RAB11FIP5: variants seen among roughly 807,000 people sequenced by gnomAD.
The protein encoded by RAB11FIP5 is rab11 family-interacting protein 5.
A neutral mutation model predicts 85.1 loss-of-function variants in RAB11FIP5; 48 were observed. The ratio of observed to expected loss-of-function variants is 0.56; its 90% CI spans 0.45 to 0.72. The LOEUF (loss-of-function observed/expected upper bound fraction) is 0.72. Among genes scored for constraint, RAB11FIP5 ranks in the 30% least tolerant of loss-of-function variants. The probability of loss-of-function intolerance (pLI) is 0.00; values close to 1 mark genes in which losing one functional copy is unlikely to be tolerated. For synonymous variants in RAB11FIP5, 729 were observed against 727.3 expected, an observed-to-expected ratio of 1.00 and a Z score of -0.04; for missense variants, 1,491 against 1,687.0, an observed-to-expected ratio of 0.88 and a Z score of 2.04.
At chr2:73,087,180 C>T (rs910198089) in intron 3 of RAB11FIP5, among the ~76,000 whole-genome samples, 1 of 152,168 alleles carries the variant, frequency 6.6e-6, no homozygotes, top group Non-Finnish European at 1.5e-5. Flanking sequence ...CAGATGCTGC[C>T]TATGAGGGCT....
rs1351924703 is a variant in RAB11FIP5 at position 73,089,281 on chromosome 2, CCTT to C, written c.463_465del (p.Lys155del). The C allele has an allele frequency of 1.2e-6, 2 of 1,614,092 alleles. No individual in the cohort carries two copies. Among genetic ancestry groups the C allele is most frequent in the South Asian group, 1.1e-5 (1 of 91,084 alleles). On this transcript the variant is annotated inframe_deletion, in exon 2 of 6. Coordinates refer to ENST00000486777, the MANE Select transcript of RAB11FIP5 (RefSeq NM_001371272.1). The surrounding 1 kb of genome is among the most constrained non-coding windows in gnomAD (Gnocchi z 4.6). ...ACTTCAATCTCGCCGCGTTCCTTCT[CCTT>C]CTTGCCTGGCTTGGAGTGCAGCTTG... is the stretch of plus-strand genomic sequence containing the variant.
At chr2:73,106,117 G>T (rs1453665605) in intron 1 of RAB11FIP5, among the ~76,000 whole-genome samples, 2 of 152,178 alleles carry the variant, frequency 1.3e-5, no homozygotes, top group Admixed American at 1.3e-4. Flanking sequence ...GGTTTCCTCA[G>T]CTGTTAAACA....
At chr2:73,103,198 G>A (rs1423734905) in intron 1 of RAB11FIP5, among the ~76,000 whole-genome samples, 1 of 152,110 alleles carries the variant, frequency 6.6e-6, no homozygotes, top group African/African-American at 2.4e-5. Flanking sequence ...CTCTTATCAG[G>A]CCAGAAGATG....
intron 1 of RAB11FIP5, among the ~76,000 whole-genome samples, chr2:73,097,523 A>G (rs1211313550): frequency 6.6e-6 from 1 of 152,254 alleles, no homozygotes; most frequent in African/African-American, 2.4e-5. Flanking sequence ...AACACTTAAC[A>G]GTGGACACTC....
intron 3 of RAB11FIP5, among the ~76,000 whole-genome samples, chr2:73,087,590 A>C (rs1684114250): frequency 6.6e-6 from 1 of 152,178 alleles, no homozygotes; most frequent in Admixed American, 6.5e-5. Context: ...GGAAGTGATC[A>C]CAGAGACAGC....
In RAB11FIP5 at chr2:73,075,450, A is replaced by T. The variant is rs1268963834; in HGVS notation, c.*71T>A. ...CAGACGATGCCCCACTGCAGATGAG[A>T]GAGTTCAGGAGGAGAGAGGGCAGGC... On this transcript the variant is annotated 3_prime_UTR_variant, in exon 6 of 6. Coordinates refer to ENST00000486777, the MANE Select transcript of RAB11FIP5 (RefSeq NM_001371272.1). This position sits in a 1 kb window ranked among gnomAD's most constrained non-coding sequence, Gnocchi z 4.6. 7.0e-7 allele frequency: 1 copy of T among 1,434,196 alleles called. No individual in the cohort carries two copies. Among genetic ancestry groups the T allele is most frequent in the Non-Finnish European group, 9.8e-7 (1 of 1,015,844 alleles). The allele number at this position is 1,434,196 out of a possible 1,614,324, so 88.8% of individuals were successfully genotyped here.
In RAB11FIP5 at chr2:73,089,377, G is replaced by C; in HGVS notation, c.432-62C>G. On this transcript the variant is annotated intron_variant, in intron 1 of 5. Transcript: ENST00000486777. This position sits in a 1 kb window ranked among gnomAD's most constrained non-coding sequence, Gnocchi z 4.6. ...GGCCCAGGGAGCCTGGCTCCCGCCCGGTACCAGGCACTGCCCAGACCCCTC... is the reference window on the plus strand; with the variant it reads ...GGCCCAGGGAGCCTGGCTCCCGCCCCGTACCAGGCACTGCCCAGACCCCTC... The C allele has an allele frequency of 6.5e-7, 1 of 1,549,092 alleles. No individual in the cohort carries two copies. Among genetic ancestry groups the C allele is most frequent in the South Asian group, 1.1e-5 (1 of 90,016 alleles).
At chr2:73,108,830 G>A (rs1363359268) in intron 1 of RAB11FIP5, among the ~76,000 whole-genome samples, 1 of 152,136 alleles carries the variant, frequency 6.6e-6, no homozygotes, top group Non-Finnish European at 1.5e-5. Context: ...GATCACCTGA[G>A]GTCAGGAGTT....
chr2:73,112,915 A>C lies in RAB11FIP5; in HGVS notation c.-138T>G, dbSNP rs2106129677. Reference sequence around the variant, plus strand: ...CTGCGGGCTGGGCTGGGCCGGGCCGACCGGCCGCCGCCTCCCCGCCTCACC... The same window carrying C: ...CTGCGGGCTGGGCTGGGCCGGGCCGCCCGGCCGCCGCCTCCCCGCCTCACC... On this transcript the variant is annotated 5_prime_UTR_variant, in exon 1 of 6. Transcript: ENST00000486777. The C allele has an allele frequency of 1.3e-6, 1 of 763,030 alleles. No individual in the cohort carries two copies. The highest frequency in any genetic ancestry group is 1.7e-6 in the Non-Finnish European group (1 of 573,646). 47.3% of individuals were successfully genotyped at this position (763,030 alleles called of 1,614,324 possible).
chr2:73,094,835 G>C lies in RAB11FIP5; in HGVS notation c.432-5520C>G, dbSNP rs902498361. ...GAAATACTCATCCCTCCCCCAGGAGGGGGTAAGTTACCAAAGGAACACACT... is the reference window on the plus strand; with the variant it reads ...GAAATACTCATCCCTCCCCCAGGAGCGGGTAAGTTACCAAAGGAACACACT... On this transcript the variant is annotated intron_variant, in intron 1 of 5. Coordinates refer to ENST00000486777, the MANE Select transcript of RAB11FIP5 (RefSeq NM_001371272.1). 5.3e-5 allele frequency among the ~76,000 whole-genome samples: 8 copies of C among 152,054 alleles called. No individual in the cohort carries two copies. The South Asian group carries it at 6.2e-4, about 12-fold the overall frequency.
At chr2:73,093,610 A>G (rs1013334424) in intron 1 of RAB11FIP5, among the ~76,000 whole-genome samples, 1 of 152,166 alleles carries the variant, frequency 6.6e-6, no homozygotes, top group Non-Finnish European at 1.5e-5. Context: ...CCCACTGACC[A>G]GGTCACCTCC....
At chr2:73,104,811 T>C (rs546325186) in intron 1 of RAB11FIP5, among the ~76,000 whole-genome samples, 1 of 152,312 alleles carries the variant, frequency 6.6e-6, no homozygotes, top group South Asian at 2.1e-4. Context: ...GAGCTCCCTC[T>C]TCTCCTGACC....
At chr2:73,083,349 G>A (rs1269532001) in intron 3 of RAB11FIP5, among the ~76,000 whole-genome samples, 1 of 152,184 alleles carries the variant, frequency 6.6e-6, no homozygotes, top group African/African-American at 2.4e-5. Context: ...CAGAGGCACA[G>A]GTAGCTCCAA....
Position 73,075,874 on chromosome 2 carries a change from G to T in RAB11FIP5, c.3771+119C>A. The T allele has an allele frequency of 2.1e-6, 3 of 1,447,624 alleles. No individual in the cohort carries two copies. The highest frequency in any genetic ancestry group is 2.8e-6 in the Non-Finnish European group (3 of 1,061,364). 89.7% of individuals were successfully genotyped at this position (1,447,624 alleles called of 1,614,324 possible). ...TGTCTCCAAAGTCAGAGCCTAACTG[G>T]CTTCAGGACTCTGATATGGGGGACC... On this transcript the variant is annotated intron_variant, in intron 5 of 5. Coordinates refer to ENST00000486777, the MANE Select transcript of RAB11FIP5 (RefSeq NM_001371272.1). This position sits in a 1 kb window ranked among gnomAD's most constrained non-coding sequence, Gnocchi z 4.6.
rs1324891759 is a variant in RAB11FIP5, at chr2:73,081,056, G to A, written c.2176C>T (p.Leu726=). 8.1e-7 allele frequency: 1 copy of A among 1,232,860 alleles called. No homozygotes were observed. Among genetic ancestry groups the A allele is most frequent in the African/African-American group, 1.6e-5 (1 of 64,358 alleles). 76.4% of individuals were successfully genotyped at this position (1,232,860 alleles called of 1,614,324 possible). The change falls in exon 4 of 6, where the codon CTG becomes TTG. Residue 726 remains leucine (L), a synonymous_variant. Transcript: ENST00000486777. This position sits in a 1 kb window ranked among gnomAD's most constrained non-coding sequence, Gnocchi z 4.2. ...SSVWLEPRVP[L]DLGPNHQSAS... ...CTCTGGTGGTTCGGTCCCAAGTCCA[G>A]AGGAACCCTGGGCTCCAGCCACACG...
At chr2:73,110,776 T>C (rs563807511) in intron 1 of RAB11FIP5, among the ~76,000 whole-genome samples, 28 of 152,078 alleles carry the variant, frequency 1.8e-4, no homozygotes, top group African/African-American at 6.8e-4. Context: ...TGGAGCCTTT[T>C]TTTGGTCTGC....
At chr2:73,100,425 G>GTTTTTTTTT (rs573555727) in intron 1 of RAB11FIP5, among the ~76,000 whole-genome samples, 1 of 131,114 alleles carries the variant, frequency 7.6e-6, no homozygotes, top group Non-Finnish European at 1.6e-5. Context: ...TTTGGTTGTG[G>GTTTTTTTTT]TTTTTTTTTT....
intron 1 of RAB11FIP5, among the ~76,000 whole-genome samples, chr2:73,103,529 G>T (rs965587002): frequency 2.6e-5 from 4 of 151,950 alleles, no homozygotes; most frequent in African/African-American, 9.7e-5. Flanking sequence ...AAAGCATCAG[G>T]CTTAGACATC....
At chr2:73,103,617 C>T (rs750177471) in intron 1 of RAB11FIP5, among the ~76,000 whole-genome samples, 7 of 152,124 alleles carry the variant, frequency 4.6e-5, no homozygotes, top group Non-Finnish European at 1.0e-4. Context: ...TCTCCATATT[C>T]GCAAAAATGG....
Sources: allele counts gnomAD v4.1 joint callset (sites outside exome capture counted in the v4.1 genomes callset), GRCh38; gene constraint gnomAD v4.1.1; non-coding constraint Gnocchi (gnomAD v3.1); transcripts MANE v1.5; gene names NCBI Gene and HGNC (gene_info 2026-07-23, HGNC 2026-07-21).